VPS13B: variants seen among roughly 807,000 people sequenced by gnomAD.
The protein encoded by VPS13B is intermembrane lipid transfer protein VPS13B.
A neutral mutation model predicts 426.4 loss-of-function variants in VPS13B; 285 were observed. That is an observed-to-expected ratio of 0.67 (90% CI 0.61 to 0.74). The LOEUF (loss-of-function observed/expected upper bound fraction) is 0.74. Among genes scored for constraint, VPS13B ranks in the 30% least tolerant of loss-of-function variants. The pLI is 0.00. For missense variants in VPS13B, 4,537 were observed against 4,782.6 expected (o/e 0.95, Z 1.51); for synonymous variants, 1,676 against 1,676.4 (o/e 1.00, Z 0.01).
At chr8:99,166,313 A>G (rs950271041) in intron 15 of VPS13B, among the ~76,000 whole-genome samples, 1 of 152,306 alleles carries the variant, frequency 6.6e-6, no homozygotes, top group African/African-American at 2.4e-5. Flanking sequence ...AATGAGAAGA[A>G]TGGAACTCTT....
chr8:99,529,775 C>G (rs1822832656), intron 30 of VPS13B, among the ~76,000 whole-genome samples: 1 of 152,144 alleles, frequency 6.6e-6, no homozygotes, highest in Non-Finnish European at 1.5e-5. Context: ...CTTTAACAAA[C>G]CACTCTTAAA....
rs1319011435 is a variant in VPS13B at position 99,717,305 on chromosome 8, A to C, written c.6589A>C (p.Ser2197Arg). ...ANLEAKWCKHSGNPGPEQSIP... is the reference protein window; with the variant it reads ...ANLEAKWCKHRGNPGPEQSIP... ...TCTGGAAGCTAAGTGGTGTAAACACAGCGGGAATCCAGGCCCAGAACAATC... is the reference window on the plus strand; with the variant it reads ...TCTGGAAGCTAAGTGGTGTAAACACCGCGGGAATCCAGGCCCAGAACAATC... Residue 2197 changes from serine to arginine, a missense_variant, in exon 37 of 62, where the codon AGC becomes CGC. By Grantham distance (110) the Ser-to-Arg change is moderately radical (BLOSUM62 -1). This residue lies in a region of VPS13B where 4,311 missense variants were observed against 4,474.3 expected (regional missense o/e 0.96). Transcript: ENST00000357162. The C allele has an allele frequency of 3.1e-6, 5 of 1,614,142 alleles. No individual in the cohort carries two copies. In the Admixed American group the frequency reaches 5.0e-5, roughly 16 times the overall value.
chr8:99,806,732 A>G (rs1457240888), intron 43 of VPS13B, among the ~76,000 whole-genome samples: 1 of 152,182 alleles, frequency 6.6e-6, no homozygotes, highest in Admixed American at 6.5e-5. Context: ...AGAAATAAAA[A>G]TAGGTATGCA....
At chr8:99,874,568 G>GA (rs1263798602) in intron 61 of VPS13B, among the ~76,000 whole-genome samples, 1 of 151,980 alleles carries the variant, frequency 6.6e-6, no homozygotes, top group African/African-American at 2.4e-5. Flanking sequence ...AAAAACCACG[G>GA]AAAGTTTGGT....
At chr8:99,575,050 C>G (rs1259886959) in intron 31 of VPS13B, among the ~76,000 whole-genome samples, 1 of 151,990 alleles carries the variant, frequency 6.6e-6, no homozygotes, top group Non-Finnish European at 1.5e-5. Context: ...CCTGTGGTCC[C>G]AGCTACTCAG....
chr8:99,606,849 A>T (rs1827620196), intron 33 of VPS13B, among the ~76,000 whole-genome samples: 1 of 152,078 alleles, frequency 6.6e-6, no homozygotes, highest in African/African-American at 2.4e-5. Context: ...TTCTTCCTTC[A>T]TCTTCGATGC....
intron 33 of VPS13B, among the ~76,000 whole-genome samples, chr8:99,602,913 A>G (rs1827385346): frequency 6.6e-6 from 1 of 152,228 alleles, no homozygotes; most frequent in African/African-American, 2.4e-5. Context: ...TTCCATGTTC[A>G]TGGATAGGAA....
At chr8:99,490,398 G>C (rs1313104072) in intron 25 of VPS13B, among the ~76,000 whole-genome samples, 2 of 152,148 alleles carry the variant, frequency 1.3e-5, no homozygotes, top group African/African-American at 4.8e-5. Flanking sequence ...TTTGGTATCA[G>C]GCTGATGCTG....
chr8:99,571,868 A>T (rs1825494735), intron 31 of VPS13B, among the ~76,000 whole-genome samples: 1 of 152,152 alleles, frequency 6.6e-6, no homozygotes, highest in East Asian at 1.9e-4. Context: ...ACTTTCTTGA[A>T]ATCCAATACT....
chr8:99,292,306 G>C (rs1039040601), intron 19 of VPS13B, among the ~76,000 whole-genome samples: 4 of 152,120 alleles, frequency 2.6e-5, no homozygotes, highest in Admixed American at 2.6e-4. Flanking sequence ...ATAAGAAGCA[G>C]TCATGCCCTA....
intron 24 of VPS13B, among the ~76,000 whole-genome samples, chr8:99,467,930 G>C (rs953553828): frequency 1.3e-5 from 2 of 152,128 alleles, no homozygotes; most frequent in African/African-American, 2.4e-5. Context: ...TGTAAGACTG[G>C]AAGAGTCTGT....
intron 39 of VPS13B, among the ~76,000 whole-genome samples, chr8:99,726,651 G>A (rs1288432940): frequency 1.3e-5 from 2 of 152,162 alleles, no homozygotes; most frequent in Non-Finnish European, 2.9e-5. Flanking sequence ...ACAATGATAA[G>A]GGAACAGGAA....
chr8:99,226,101 T>C (rs9642958), intron 17 of VPS13B, among the ~76,000 whole-genome samples: 124,568 of 152,086 alleles, frequency 0.82, 51,474 homozygotes, highest in South Asian at 0.89. Flanking sequence ...CCCGCCACCA[T>C]GCCCGGCTAA....
rs1037280441 is a variant in VPS13B at position 99,606,516 on chromosome 8, AAAAAAG to A, written c.5220+28901_5220+28906del. Among the ~76,000 whole-genome samples the A allele has an allele frequency of 1.3e-3, 201 of 149,680 alleles. 1 individual carries two copies. Among genetic ancestry groups the A allele is most frequent in the African/African-American group, 2.0e-3 (80 of 40,818 alleles). On this transcript the variant is annotated intron_variant, in intron 33 of 61. Transcript: ENST00000357162. Reference sequence around the variant, plus strand: ...TCAGTTTCAAAAAAAAAAAAAAAAGAAAAAAGAAAAAGAAAAAGAAAAAAAAGATGT... The same window carrying A: ...TCAGTTTCAAAAAAAAAAAAAAAAGAAAAAAGAAAAAGAAAAAAAAGATGT...
chr8:99,761,396 C>T (rs952020696), intron 39 of VPS13B, among the ~76,000 whole-genome samples: 1 of 152,180 alleles, frequency 6.6e-6, no homozygotes, highest in South Asian at 2.1e-4. Context: ...TCCCTAAACC[C>T]CACTGTTGGT....
chr8:99,198,503 G>A (rs1254908995), intron 17 of VPS13B, among the ~76,000 whole-genome samples: 3 of 151,872 alleles, frequency 2.0e-5, no homozygotes, highest in East Asian at 1.9e-4. Flanking sequence ...AAAATGGACT[G>A]TGCTATGAAA....
chr8:99,809,086 T>C (rs1278979405), intron 43 of VPS13B, among the ~76,000 whole-genome samples: 1 of 152,192 alleles, frequency 6.6e-6, no homozygotes, highest in Non-Finnish European at 1.5e-5. Context: ...TCCAGATGAA[T>C]GAAATGATCT....
At chr8:99,874,548 T>C (rs1817597869) in intron 61 of VPS13B, among the ~76,000 whole-genome samples, 1 of 152,140 alleles carries the variant, frequency 6.6e-6, no homozygotes, top group South Asian at 2.1e-4. Flanking sequence ...CTTGCCAATG[T>C]TCAGTAGGCA....
intron 56 of VPS13B, among the ~76,000 whole-genome samples, chr8:99,857,160 C>T (rs1305273702): frequency 6.6e-6 from 1 of 152,242 alleles, no homozygotes; most frequent in Non-Finnish European, 1.5e-5. Flanking sequence ...CTCTGGCCTA[C>T]ACATAGCCCT....
Sources: allele counts gnomAD v4.1 joint callset (sites outside exome capture counted in the v4.1 genomes callset), GRCh38; gene constraint gnomAD v4.1.1; regional missense constraint gnomAD v4.1.1; transcripts MANE v1.5; gene names NCBI Gene and HGNC (gene_info 2026-07-23, HGNC 2026-07-21).